LRRC7: variants seen among roughly 807,000 people sequenced by gnomAD.
LRRC7 encodes the protein leucine rich repeat containing 7, also known as leucine-rich repeat-containing protein 7.
LRRC7 carries 23 observed loss-of-function variants against 175.7 expected under a neutral mutation model. The ratio of observed to expected loss-of-function variants is 0.13; its 90% CI spans 0.09 to 0.19. The LOEUF (loss-of-function observed/expected upper bound fraction) is 0.19. Ranked by LOEUF, LRRC7 falls within the 10% of genes least tolerant of loss-of-function variation. The pLI, the probability that LRRC7 is intolerant of heterozygous loss-of-function variation, is 1.00. For synonymous variants in LRRC7, 685 were observed against 680.9 expected (o/e 1.01, Z -0.09); for missense variants, 1,354 against 1,904.7 (o/e 0.71, Z 5.38).
intron 7 of LRRC7, among the ~76,000 whole-genome samples, chr1:69,881,450 C>T (rs1204006330): frequency 6.6e-6 from 1 of 152,168 alleles, no homozygotes; most frequent in Admixed American, 6.5e-5. Flanking sequence ...TTGTTAGCAT[C>T]ATTCAACTAA....
chr1:69,844,902 A>T (rs554670762), intron 7 of LRRC7, among the ~76,000 whole-genome samples: 1 of 152,164 alleles, frequency 6.6e-6, no homozygotes, highest in African/African-American at 2.4e-5. Flanking sequence ...CAACACAGAT[A>T]AAATTATTAA....
chr1:69,917,992 A>T (rs1291097364), intron 7 of LRRC7, among the ~76,000 whole-genome samples: 2 of 152,268 alleles, frequency 1.3e-5, no homozygotes, highest in Middle Eastern at 3.4e-3. Flanking sequence ...TTTCTCTAAA[A>T]CCTAGCTCAA....
chr1:69,616,828 C>T (rs1016021033), intron 1 of LRRC7, among the ~76,000 whole-genome samples: 6 of 152,076 alleles, frequency 3.9e-5, no homozygotes, highest in South Asian at 2.1e-4. Flanking sequence ...AAGGACGATG[C>T]GGGTAACTTA....
chr1:69,869,175 A>C (rs1367975138), intron 7 of LRRC7, among the ~76,000 whole-genome samples: 1 of 152,108 alleles, frequency 6.6e-6, no homozygotes, highest in African/African-American at 2.4e-5. Flanking sequence ...GAAAGAAGAG[A>C]TAAATCAATA....
At chr1:70,065,148 A>G (rs1254941804) in intron 23 of LRRC7, among the ~76,000 whole-genome samples, 1 of 151,952 alleles carries the variant, frequency 6.6e-6, no homozygotes, top group African/African-American at 2.4e-5. Context: ...TGATAATTAC[A>G]CTAATACAGG....
intron 4 of LRRC7, among the ~76,000 whole-genome samples, chr1:69,823,494 C>A (rs1203377599): frequency 6.6e-6 from 1 of 152,010 alleles, no homozygotes; most frequent in Non-Finnish European, 1.5e-5. Context: ...CAATGTCTGG[C>A]ACTTTTGGGT....
intron 3 of LRRC7, among the ~76,000 whole-genome samples, chr1:69,771,454 T>C (rs1672234176): frequency 1.3e-5 from 2 of 152,318 alleles, no homozygotes; most frequent in Non-Finnish European, 2.9e-5. Flanking sequence ...AGTTTTATAA[T>C]CTTCTACAAG....
At chr1:70,027,607 G>T (rs1340907643) in intron 17 of LRRC7, among the ~76,000 whole-genome samples, 2 of 152,016 alleles carry the variant, frequency 1.3e-5, no homozygotes, top group African/African-American at 4.8e-5. Flanking sequence ...TCCCCTTAGG[G>T]ATTAATGAGA....
At chr1:69,818,335 T>C (rs2101186873) in intron 4 of LRRC7, among the ~76,000 whole-genome samples, 1 of 152,248 alleles carries the variant, frequency 6.6e-6, no homozygotes. Flanking sequence ...TGTTGGATTT[T>C]GTTCAATGCT....
chr1:69,917,769 C>T (rs1352371744), intron 7 of LRRC7, among the ~76,000 whole-genome samples: 1 of 152,098 alleles, frequency 6.6e-6, no homozygotes. Flanking sequence ...CTGCAACATA[C>T]TCTAATGGGA....
At chr1:69,669,073 C>T (rs1159793322) in intron 1 of LRRC7, among the ~76,000 whole-genome samples, 1 of 151,972 alleles carries the variant, frequency 6.6e-6, no homozygotes, top group Non-Finnish European at 1.5e-5. Flanking sequence ...TTGGTCCATC[C>T]TTTAGTCTCT....
intron 4 of LRRC7, among the ~76,000 whole-genome samples, chr1:69,804,819 C>T (rs2101110977): frequency 6.6e-6 from 1 of 151,608 alleles, no homozygotes; most frequent in East Asian, 1.9e-4. Context: ...ATAAGTAGTC[C>T]ATGCATGTTT....
chr1:70,095,679 A>G (rs1385030280), intron 25 of LRRC7, among the ~76,000 whole-genome samples: 1 of 152,222 alleles, frequency 6.6e-6, no homozygotes, highest in Non-Finnish European at 1.5e-5. Flanking sequence ...GCAAATAAGT[A>G]TCATTAATTC....
chr1:69,717,962 A>G (rs12757252), intron 2 of LRRC7, among the ~76,000 whole-genome samples: 2 of 64,810 alleles, frequency 3.1e-5, no homozygotes, highest in South Asian at 4.4e-4. Context: ...GAAAGAAGAA[A>G]AAGAAAGAAA....
chr1:69,760,056 C>T (rs576478577), intron 2 of LRRC7, 135 bp from the exon 3 acceptor site: 15 of 803,326 alleles, frequency 1.9e-5, no homozygotes, highest in South Asian at 1.3e-4. Context: ...TGATACAATG[C>T]GTGTGTGTGT....
Position 69,919,520 on chromosome 1 carries a change from T to G in LRRC7, c.648-11987T>G. ...ATCTGGCAGGGGGAGCCCGCCAGGGTCCGCCGCTCGCACCTGCTAGTGAAG... is the reference window on the plus strand; with the variant it reads ...ATCTGGCAGGGGGAGCCCGCCAGGGGCCGCCGCTCGCACCTGCTAGTGAAG... On this transcript the variant is annotated intron_variant, in intron 7 of 26. Coordinates refer to ENST00000651989, the MANE Select transcript of LRRC7 (RefSeq NM_001370785.2). The G allele has an allele frequency of 4.9e-6, 4 of 822,910 alleles. No homozygotes were observed. In the South Asian group the frequency reaches 5.8e-5, roughly 12 times the overall value. The allele number at this position is 822,910 out of a possible 1,614,324, so 51.0% of individuals were successfully genotyped here.
intron 1 of LRRC7, among the ~76,000 whole-genome samples, chr1:69,578,898 C>A (rs1269463767): frequency 1.3e-5 from 2 of 150,424 alleles, no homozygotes; most frequent in Non-Finnish European, 3.0e-5. Context: ...CATATGTAAC[C>A]TGCACATTGT....
intron 7 of LRRC7, chr1:69,919,511 C>T (rs1646817072): frequency 3.6e-6 from 3 of 827,138 alleles, no homozygotes; most frequent in Non-Finnish European, 6.0e-6. Context: ...CAGGGGGAGC[C>T]CGCCAGGGTC....
In LRRC7 at chr1:70,039,332, A is replaced by G; in HGVS notation, c.3508A>G (p.Asn1170Asp). The G allele has an allele frequency of 1.9e-6, 3 of 1,614,038 alleles. No homozygotes were observed. The highest frequency in any genetic ancestry group is 1.7e-4 in the Middle Eastern group (1 of 6,060). ...ATEMAMFRRV[N>D]EPHELPPTDR... ...AGAAATGGCCATGTTTAGAAGGGTC[A>G]ATGAGCCTCATGAGCTGCCCCCAAC... The change falls in exon 21 of 27, where the codon AAT becomes GAT. Residue 1170 changes from asparagine to aspartate, a missense_variant. Physicochemically the swap from Asn to Asp is conservative, Grantham distance 23. This residue lies in a region of LRRC7 where 1,032 missense variants were observed against 1,227.2 expected (regional missense o/e 0.84). Coordinates refer to ENST00000651989, the MANE Select transcript of LRRC7 (RefSeq NM_001370785.2).
Sources: gnomAD v4.1 joint callset for allele counts (sites outside exome capture counted in the v4.1 genomes callset) on GRCh38, gnomAD v4.1.1 for gene constraint, gnomAD v4.1.1 regional missense constraint, MANE v1.5 for transcripts, NCBI Gene and HGNC (gene_info 2026-07-23, HGNC 2026-07-21) for gene names.